CALN1: variants seen among roughly 807,000 people sequenced by gnomAD.
The protein encoded by CALN1 is calneuron 1.
A neutral mutation model predicts 30.6 loss-of-function variants in CALN1; 17 were observed. That is an observed-to-expected ratio of 0.56 (90% CI 0.38 to 0.83). The LOEUF (loss-of-function observed/expected upper bound fraction) is 0.83, where lower values mean the gene tolerates loss of function less well. Ranked by LOEUF, CALN1 falls within the 40% of genes least tolerant of loss-of-function variation. CALN1 has a pLI of 0.00. For missense variants in CALN1, 291 were observed against 354.9 expected, an observed-to-expected ratio of 0.82 and a Z score of 1.45; for synonymous variants, 156 against 131.4, an observed-to-expected ratio of 1.19 and a Z score of -1.28.
intron 4 of CALN1, among the ~76,000 whole-genome samples, chr7:72,053,145 G>A (rs763447868): frequency 7.9e-5 from 12 of 152,152 alleles, no homozygotes; most frequent in Non-Finnish European, 1.3e-4. Flanking sequence ...CAGGAGAATC[G>A]CTTGAGCCCA....
At chr7:71,795,048 G>A (rs1210174984) in intron 6 of CALN1, among the ~76,000 whole-genome samples, 2 of 151,704 alleles carry the variant, frequency 1.3e-5, no homozygotes, top group Non-Finnish European at 2.9e-5. Flanking sequence ...TTTTGAGATG[G>A]AGTCTCACTC....
intron 3 of CALN1, among the ~76,000 whole-genome samples, chr7:72,181,333 GT>G (rs1178571609): frequency 1.3e-5 from 2 of 150,720 alleles, no homozygotes; most frequent in Non-Finnish European, 2.9e-5. Flanking sequence ...TATTTTTAAT[GT>G]GTTGCTACCA....
At chr7:72,324,838 C>T (rs1177140862) in intron 2 of CALN1, among the ~76,000 whole-genome samples, 1 of 152,106 alleles carries the variant, frequency 6.6e-6, no homozygotes, top group Non-Finnish European at 1.5e-5. Context: ...CCCGCTTCAG[C>T]CTCCCAAAGA....
intron 3 of CALN1, among the ~76,000 whole-genome samples, chr7:72,162,069 A>T (rs1331504527): frequency 1.3e-5 from 2 of 151,580 alleles, no homozygotes; most frequent in African/African-American, 2.4e-5. Flanking sequence ...TTTCAACAAC[A>T]TTCTATAAGA....
At chr7:72,290,863 CTT>C (rs1461621607) in intron 2 of CALN1, among the ~76,000 whole-genome samples, 1 of 151,742 alleles carries the variant, frequency 6.6e-6, no homozygotes, top group Non-Finnish European at 1.5e-5. Context: ...AAACACACCT[CTT>C]ATTTTTCACT....
intron 5 of CALN1, among the ~76,000 whole-genome samples, chr7:72,020,468 C>T (rs1584759333): frequency 1.3e-5 from 2 of 152,076 alleles, no homozygotes; most frequent in Admixed American, 1.3e-4. Context: ...CATTTTTTCA[C>T]GCTGTCTCTG....
chr7:72,387,864 G>A (rs758828422), intron 2 of CALN1, among the ~76,000 whole-genome samples: 2 of 152,192 alleles, frequency 1.3e-5, no homozygotes, highest in Non-Finnish European at 2.9e-5. Context: ...AAGTAGAACA[G>A]TGGTTACCAG....
At chr7:72,011,027 C>T (rs1206116619) in intron 5 of CALN1, among the ~76,000 whole-genome samples, 1 of 151,298 alleles carries the variant, frequency 6.6e-6, no homozygotes, top group Non-Finnish European at 1.5e-5. Context: ...TTGGCACGCA[C>T]CTGTAGTCCC....
intron 5 of CALN1, among the ~76,000 whole-genome samples, chr7:71,955,589 C>T (rs910083380): frequency 6.6e-6 from 1 of 151,956 alleles, no homozygotes; most frequent in South Asian, 2.1e-4. Context: ...GAACGCTTTC[C>T]CCACTGGTCT....
intron 4 of CALN1, among the ~76,000 whole-genome samples, chr7:72,099,654 G>C (rs1377624176): frequency 1.3e-5 from 2 of 152,032 alleles, no homozygotes; most frequent in Non-Finnish European, 2.9e-5. Context: ...CACACTTAGG[G>C]ACTGTATAAA....
chr7:71,798,111 CAGAGACAGAGACAGAGAGAG>C (rs1787054891), intron 6 of CALN1, among the ~76,000 whole-genome samples: 1 of 49,508 alleles, frequency 2.0e-5, no homozygotes, highest in Non-Finnish European at 3.7e-5. Context: ...CAGAGAGAGA[CAGAGACAGAGACAGAGAGAG>C]AGAGAGAGAG....
At chr7:72,365,776 T>C (rs947849192) in intron 2 of CALN1, among the ~76,000 whole-genome samples, 4 of 152,132 alleles carry the variant, frequency 2.6e-5, no homozygotes, top group African/African-American at 9.7e-5. Context: ...CATTATCTAA[T>C]GCAAAGATGT....
intron 1 of CALN1, among the ~76,000 whole-genome samples, chr7:72,409,917 GT>G (rs570471661): frequency 7.2e-4 from 110 of 152,234 alleles, no homozygotes; most frequent in African/African-American, 2.5e-3. Context: ...ATTATAATCA[GT>G]TTTTTCCCTG....
intron 2 of CALN1, among the ~76,000 whole-genome samples, chr7:72,299,664 A>G (rs574252872): frequency 2.1e-4 from 31 of 151,206 alleles, no homozygotes; most frequent in Admixed American, 8.6e-4. Flanking sequence ...CCAAAGAAAT[A>G]CAATTTTTTA....
chr7:72,373,835 G>A (rs1320776153), intron 2 of CALN1, among the ~76,000 whole-genome samples: 5 of 152,146 alleles, frequency 3.3e-5, no homozygotes, highest in Non-Finnish European at 7.3e-5. Context: ...AAACTGATGA[G>A]AATTAAGATA....
In CALN1 at chr7:72,251,898, G is replaced by C. The variant is rs1484422102; in HGVS notation, c.244+26788C>G. 4.6e-5 allele frequency among the ~76,000 whole-genome samples: 7 copies of C among 152,156 alleles called. 1 individual carries two copies. The highest frequency in any genetic ancestry group is 1.4e-4 in the African/African-American group (6 of 41,522). Reference sequence around the variant, plus strand: ...CCTTCCTGCATTATTTCTTACAATTGCATGTGACTCTACACACATCTCACA... The same window carrying C: ...CCTTCCTGCATTATTTCTTACAATTCCATGTGACTCTACACACATCTCACA... On this transcript the variant is annotated intron_variant, in intron 3 of 6. Coordinates refer to ENST00000395275, the MANE Select transcript of CALN1 (RefSeq NM_031468.4).
intron 3 of CALN1, among the ~76,000 whole-genome samples, chr7:72,137,811 C>G (rs1050688355): frequency 6.6e-6 from 1 of 152,110 alleles, no homozygotes; most frequent in South Asian, 2.1e-4. Flanking sequence ...GAGGACATCA[C>G]GCCTGCTGCT....
rs112724107 is a variant in CALN1, at chr7:72,017,923, C to A, written c.501+5734G>T. 7.5e-3 allele frequency among the ~76,000 whole-genome samples: 1,134 copies of A among 152,192 alleles called. 14 individuals are homozygous for A. Among genetic ancestry groups the A allele is most frequent in the African/African-American group, 0.026 (1,089 of 41,506 alleles). On this transcript the variant is annotated intron_variant, in intron 5 of 6. Coordinates refer to ENST00000395275, the MANE Select transcript of CALN1 (RefSeq NM_031468.4). ...TCAGCTCTCCTCACCAAGTGTGGGA[C>A]TCATTTCTCTGTTTCTTCAGAGGGA...
intron 5 of CALN1, among the ~76,000 whole-genome samples, chr7:71,898,014 GGGGGGA>G (rs1562882196): frequency 2.9e-4 from 23 of 79,640 alleles, no homozygotes; most frequent in African/African-American, 1.1e-3. Flanking sequence ...GGAGGGAGGG[GGGGGGA>G]GAGAGAGAGA....
Sources: gnomAD v4.1 joint callset for allele counts (sites outside exome capture counted in the v4.1 genomes callset) on GRCh38, gnomAD v4.1.1 for gene constraint, MANE v1.5 for transcripts, NCBI Gene and HGNC (gene_info 2026-07-23, HGNC 2026-07-21) for gene names.